CBLN2: variants seen among roughly 807,000 people sequenced by gnomAD.
CBLN2 encodes cerebellin 2 precursor, also known as cerebellin-2.
Under a neutral mutation model 15.0 loss-of-function variants are expected in CBLN2, and 7 were observed. That is an observed-to-expected ratio of 0.47 (90% CI 0.27 to 0.88). The LOEUF is 0.88. CBLN2 is among the 40% of genes least tolerant of loss of function. The pLI is 0.14. For missense variants in CBLN2, 242 were observed against 304.5 expected (o/e 0.79, Z 1.53); for synonymous variants, 149 against 135.2 (o/e 1.10, Z -0.71).
At chr18:72,600,069 G>A (rs2069538189) in intron 1 of CBLN2, among the ~76,000 whole-genome samples, 1 of 152,184 alleles carries the variant, frequency 6.6e-6, no homozygotes, top group Non-Finnish European at 1.5e-5. Context: ...AGAAGCACTT[G>A]TGGCCACACC....
chr18:72,628,262 T>C (rs906436855), intron 1 of CBLN2, among the ~76,000 whole-genome samples: 2 of 152,218 alleles, frequency 1.3e-5, no homozygotes, highest in Non-Finnish European at 2.9e-5. Context: ...AGTTCTGACA[T>C]TAAATAGAAA....
chr18:72,630,673 T>C (rs1346045390), intron 1 of CBLN2, among the ~76,000 whole-genome samples: 1 of 151,944 alleles, frequency 6.6e-6, no homozygotes, highest in African/African-American at 2.4e-5. Flanking sequence ...ACAGATATGA[T>C]TATAACATGA....
At chr18:72,553,361 T>C (rs181672391) in intron 1 of CBLN2, among the ~76,000 whole-genome samples, 2 of 152,132 alleles carry the variant, frequency 1.3e-5, no homozygotes, top group African/African-American at 4.8e-5. Flanking sequence ...AGCGATAAAC[T>C]TCTTTTTGTG....
intron 1 of CBLN2, among the ~76,000 whole-genome samples, chr18:72,629,230 C>T (rs182383308): frequency 2.8e-4 from 43 of 152,186 alleles, no homozygotes; most frequent in Non-Finnish European, 3.2e-4. Context: ...TTAAGTGTTT[C>T]AACTATACTA....
chr18:72,539,329 G>A (rs1254311650), intron 3 of CBLN2: 1 of 153,112 alleles, frequency 6.5e-6, no homozygotes, highest in Admixed American at 6.5e-5. Context: ...AATGGTCTCT[G>A]TGAGGTTTGG....
chr18:72,607,638 A>G (rs755763029), intron 1 of CBLN2, among the ~76,000 whole-genome samples: 15 of 152,016 alleles, frequency 9.9e-5, no homozygotes, highest in Non-Finnish European at 1.8e-4. Flanking sequence ...ACCAAACTGA[A>G]GCGCTAGCCA....
chr18:72,547,864 G>A (rs1231246092), upstream of CBLN2, among the ~76,000 whole-genome samples: 1 of 152,180 alleles, frequency 6.6e-6, no homozygotes, highest in Non-Finnish European at 1.5e-5. Context: ...ACAGTTGGAA[G>A]CTAACTTTAA....
intron 1 of CBLN2, among the ~76,000 whole-genome samples, chr18:72,550,644 A>G (rs1005785044): frequency 6.6e-6 from 1 of 152,170 alleles, no homozygotes; most frequent in Non-Finnish European, 1.5e-5. Context: ...TAAAATAAAA[A>G]GTTTGTATCA....
At chr18:72,636,112 T>C (rs1243697470) in intron 1 of CBLN2, among the ~76,000 whole-genome samples, 3 of 152,204 alleles carry the variant, frequency 2.0e-5, no homozygotes, top group Non-Finnish European at 4.4e-5. Context: ...GTGATATTTA[T>C]AGTGTTAATC....
At chr18:72,619,177 G>C in intron 1 of CBLN2, 2 of 780,140 alleles carry the variant, frequency 2.6e-6, no homozygotes, top group Non-Finnish European at 4.4e-6. Context: ...GGTGGCTGGG[G>C]TGGTTCCAGT....
chr18:72,595,082 G>C lies in CBLN2; in HGVS notation c.15+43243C>G, dbSNP rs1007692130. On this transcript the variant is annotated intron_variant, in intron 1 of 2. Coordinates refer to the CBLN2 transcript ENST00000581073. ...TTTTCTTCTACTAATTTTGGGTTTG[G>C]TTTGCTCTTGCTTTTCTAATTCTTT... Among the ~76,000 whole-genome samples the C allele has an allele frequency of 1.0e-4, 15 of 149,846 alleles. 1 individual carries two copies. The highest frequency in any genetic ancestry group is 3.4e-4 in the African/African-American group (14 of 40,718).
chr18:72,607,556 G>C (rs2069591278), intron 1 of CBLN2, among the ~76,000 whole-genome samples: 1 of 152,136 alleles, frequency 6.6e-6, no homozygotes, highest in African/African-American at 2.4e-5. Flanking sequence ...ACCAAACACA[G>C]ATTTCATGGC....
At chr18:72,619,677 A>G (rs535586957) in intron 1 of CBLN2, among the ~76,000 whole-genome samples, 1 of 152,312 alleles carries the variant, frequency 6.6e-6, no homozygotes, top group African/African-American at 2.4e-5. Context: ...TTATTTATGA[A>G]AACAAAGGTT....
intron 1 of CBLN2, among the ~76,000 whole-genome samples, chr18:72,556,700 G>A (rs17086169): frequency 0.019 from 2,923 of 152,164 alleles, 76 homozygotes; most frequent in East Asian, 0.077. Context: ...AGGTAAATGA[G>A]GGTGTTTCTT....
intron 1 of CBLN2, among the ~76,000 whole-genome samples, chr18:72,592,728 A>G (rs1290825956): frequency 6.6e-6 from 1 of 152,150 alleles, no homozygotes; most frequent in Non-Finnish European, 1.5e-5. Flanking sequence ...CAGTTTCCCC[A>G]GCACCATTTA....
upstream of CBLN2, among the ~76,000 whole-genome samples, chr18:72,548,157 AT>A (rs1392977274): frequency 6.6e-6 from 1 of 152,200 alleles, no homozygotes; most frequent in African/African-American, 2.4e-5. Flanking sequence ...CCTTGTCACC[AT>A]CTCCTCAGTG....
chr18:72,629,399 T>C (rs1363491032), intron 1 of CBLN2, among the ~76,000 whole-genome samples: 1 of 151,850 alleles, frequency 6.6e-6, no homozygotes, highest in Non-Finnish European at 1.5e-5. Context: ...TAGTATCCTT[T>C]ATAAGAGTAA....
chr18:72,603,793 C>T (rs2069564913), intron 1 of CBLN2, among the ~76,000 whole-genome samples: 1 of 152,050 alleles, frequency 6.6e-6, no homozygotes, highest in Admixed American at 6.6e-5. Context: ...TTATAGATTG[C>T]CTAAATAATT....
intron 1 of CBLN2, among the ~76,000 whole-genome samples, chr18:72,595,659 C>T (rs1440724671): frequency 6.6e-6 from 1 of 152,074 alleles, no homozygotes; most frequent in African/African-American, 2.4e-5. Context: ...GTTTATCTCT[C>T]TCTTTAGCAC....
Sources: allele counts gnomAD v4.1 joint callset (sites outside exome capture counted in the v4.1 genomes callset), GRCh38; gene constraint gnomAD v4.1.1; transcripts MANE v1.5; gene names NCBI Gene and HGNC (gene_info 2026-07-23, HGNC 2026-07-21).